The following CENPW variants were observed in gnomAD, a reference collection of about 807,000 sequenced individuals.
CENPW encodes the protein cancer-up-regulated gene 2 protein.
Under a neutral mutation model 11.1 loss-of-function variants are expected in CENPW, and 3 were observed. That is an observed-to-expected ratio of 0.27 (90% confidence interval 0.12 to 0.70). The LOEUF (loss-of-function observed/expected upper bound fraction) is 0.70. Ranked by LOEUF, CENPW falls within the 30% of genes least tolerant of loss-of-function variation. CENPW has a pLI of 0.77. For missense variants in CENPW, 100 were observed against 105.6 expected (o/e 0.95, Z 0.23); for synonymous variants, 38 against 42.0 (o/e 0.91, Z 0.37).
chr6:126,384,982 C>G, the CENPW span, among the ~76,000 whole-genome samples: 1 of 151,956 alleles, frequency 6.6e-6, no homozygotes, highest in Non-Finnish European at 1.5e-5. Context: ...TGCGTACACA[C>G]ATTTGGTGGA....
In CENPW at chr6:126,340,250, G is replaced by C; in HGVS notation, c.-24G>C. On this transcript the variant is annotated 5_prime_UTR_variant, in exon 1 of 3. Coordinates refer to ENST00000368328, the MANE Select transcript of CENPW (RefSeq NM_001012507.4). ...ATACAGAGAGCACCTCGGAAGCTGAGGCAGCTGGTACTTGACAGAGAGGAT... is the reference window on the plus strand; with the variant it reads ...ATACAGAGAGCACCTCGGAAGCTGACGCAGCTGGTACTTGACAGAGAGGAT... 1 of 1,612,050 alleles carries C rather than the reference G, an allele frequency of 6.2e-7. No individual in the cohort carries two copies. The highest frequency in any genetic ancestry group is 8.5e-7 in the Non-Finnish European group (1 of 1,179,450).
At chr6:126,442,606 C>T in the CENPW span, among the ~76,000 whole-genome samples, 2 of 151,324 alleles carry the variant, frequency 1.3e-5, no homozygotes, top group Admixed American at 1.3e-4. Flanking sequence ...TTTACATCTA[C>T]TTCATGAGCC....
the CENPW span, among the ~76,000 whole-genome samples, chr6:126,359,474 T>G: frequency 4.6e-5 from 7 of 152,236 alleles, no homozygotes; most frequent in South Asian, 1.0e-3. Flanking sequence ...TCAAAATTTC[T>G]TTGTTAGTTT....
the CENPW span, among the ~76,000 whole-genome samples, chr6:126,480,260 A>G: frequency 6.6e-6 from 1 of 152,078 alleles, no homozygotes; most frequent in African/African-American, 2.4e-5. Context: ...GGTTAGGAGA[A>G]ATAAAAAATG....
chr6:126,452,939 C>T, the CENPW span, among the ~76,000 whole-genome samples: 294 of 151,112 alleles, frequency 1.9e-3, 1 homozygote, highest in African/African-American at 6.6e-3. Context: ...TGTAATTTCT[C>T]GTCAGACACA....
chr6:126,361,407 T>A, the CENPW span, among the ~76,000 whole-genome samples: 1 of 152,090 alleles, frequency 6.6e-6, no homozygotes, highest in East Asian at 1.9e-4. Context: ...TGATGCTTTC[T>A]TCCTCAACCT....
At chr6:126,387,217 T>A in the CENPW span, among the ~76,000 whole-genome samples, 23 of 151,970 alleles carry the variant, frequency 1.5e-4, no homozygotes, top group Admixed American at 7.9e-4. Context: ...GTTATTATAA[T>A]CTTTTTTTGG....
chr6:126,379,769 G>A, the CENPW span, among the ~76,000 whole-genome samples: 1 of 152,142 alleles, frequency 6.6e-6, no homozygotes, highest in Admixed American at 6.6e-5. Context: ...CCTGGAGTCC[G>A]AGTATGTGTG....
chr6:126,440,507 C>A, the CENPW span, among the ~76,000 whole-genome samples: 3 of 151,364 alleles, frequency 2.0e-5, no homozygotes, highest in Non-Finnish European at 4.4e-5. Flanking sequence ...AATTATTTTT[C>A]TTAATTTTAA....
At chr6:126,471,212 G>A in the CENPW span, among the ~76,000 whole-genome samples, 1 of 152,054 alleles carries the variant, frequency 6.6e-6, no homozygotes, top group Non-Finnish European at 1.5e-5. Context: ...AAAATTATGG[G>A]TGCCATTTCC....
At chr6:126,419,085 A>T in the CENPW span, among the ~76,000 whole-genome samples, 4 of 151,974 alleles carry the variant, frequency 2.6e-5, no homozygotes, top group East Asian at 1.9e-4. Flanking sequence ...AGTATAATAA[A>T]ATATATATAT....
chr6:126,469,005 G>T, the CENPW span, among the ~76,000 whole-genome samples: 2 of 152,090 alleles, frequency 1.3e-5, no homozygotes, highest in Non-Finnish European at 2.9e-5. Context: ...GTTTCACCAG[G>T]CTGGTCTCAA....
At chr6:126,414,993 G>A in the CENPW span, among the ~76,000 whole-genome samples, 2 of 151,880 alleles carry the variant, frequency 1.3e-5, no homozygotes, top group Non-Finnish European at 2.9e-5. Flanking sequence ...AAATCTATAG[G>A]AAATGAAAAA....
At chr6:126,429,089 T>A in the CENPW span, among the ~76,000 whole-genome samples, 2 of 152,284 alleles carry the variant, frequency 1.3e-5, no homozygotes, top group South Asian at 4.1e-4. Flanking sequence ...TATTAGACAT[T>A]TAAATTTTCC....
the CENPW span, among the ~76,000 whole-genome samples, chr6:126,420,932 TATC>T: frequency 6.6e-6 from 1 of 152,132 alleles, no homozygotes; most frequent in Admixed American, 6.6e-5. Flanking sequence ...TTTAGGAACT[TATC>T]ATCAGATTCT....
chr6:126,402,317 C>A, the CENPW span, among the ~76,000 whole-genome samples: 2 of 151,010 alleles, frequency 1.3e-5, no homozygotes, highest in Admixed American at 1.3e-4. Context: ...CTTCTCTCTC[C>A]TCCCTTCCTT....
chr6:126,370,936 G>T, the CENPW span, among the ~76,000 whole-genome samples: 1 of 151,660 alleles, frequency 6.6e-6, no homozygotes. Context: ...GTGTGTGTGT[G>T]TGTGTTTTTT....
chr6:126,374,645 G>GT, the CENPW span, among the ~76,000 whole-genome samples: 1 of 152,166 alleles, frequency 6.6e-6, no homozygotes, highest in Non-Finnish European at 1.5e-5. Context: ...CTGTGAACAC[G>GT]TAAGTCTTGA....
the CENPW span, among the ~76,000 whole-genome samples, chr6:126,387,393 C>T: frequency 6.6e-6 from 1 of 151,842 alleles, no homozygotes; most frequent in Admixed American, 6.6e-5. Context: ...GAAATTATAT[C>T]CCAATTTCAC....
Sources: allele counts gnomAD v4.1 joint callset (sites outside exome capture counted in the v4.1 genomes callset), GRCh38; gene constraint gnomAD v4.1.1; transcripts MANE v1.5; gene names NCBI Gene and HGNC (gene_info 2026-07-23, HGNC 2026-07-21).